Variants in LRRC4C observed in about 807,000 individuals in gnomAD.
LRRC4C encodes the protein leucine-rich repeat-containing protein 4C.
LRRC4C carries 5 observed loss-of-function variants against 33.6 expected under a neutral mutation model. The ratio of observed to expected loss-of-function variants is 0.15; its 90% CI spans 0.08 to 0.31. The LOEUF is 0.31. LRRC4C is among the 10% of genes least tolerant of loss of function. The probability of loss-of-function intolerance (pLI) is 1.00; values close to 1 mark genes in which losing one functional copy is unlikely to be tolerated. For synonymous variants in LRRC4C, 329 were observed against 302.0 expected (o/e 1.09, Z -0.93); for missense variants, 560 against 796.7 (o/e 0.70, Z 3.58).
chr11:40,360,516 T>A (rs1330086061), intron 3 of LRRC4C, among the ~76,000 whole-genome samples: 1 of 152,162 alleles, frequency 6.6e-6, no homozygotes, highest in Non-Finnish European at 1.5e-5. Context: ...AAATGGGGCA[T>A]TGAATAGGGA....
At chr11:40,765,221 G>T (rs1949394296) in intron 2 of LRRC4C, among the ~76,000 whole-genome samples, 1 of 152,134 alleles carries the variant, frequency 6.6e-6, no homozygotes, top group African/African-American at 2.4e-5. Context: ...ATGGGGGGAA[G>T]ATTTCACCAT....
chr11:40,973,910 G>A (rs1044697855), intron 1 of LRRC4C, among the ~76,000 whole-genome samples: 6 of 151,918 alleles, frequency 3.9e-5, no homozygotes, highest in African/African-American at 2.4e-5. Flanking sequence ...GATGAAGTAG[G>A]GATTGTGGAG....
At chr11:41,140,458 C>T (rs563843799) in intron 1 of LRRC4C, among the ~76,000 whole-genome samples, 2 of 126,102 alleles carry the variant, frequency 1.6e-5, no homozygotes, top group Admixed American at 7.6e-5. Flanking sequence ...ATTAAGCAAA[C>T]TTTGGTTAAG....
intron 3 of LRRC4C, among the ~76,000 whole-genome samples, chr11:40,572,033 T>C (rs1430657280): frequency 6.6e-6 from 1 of 152,184 alleles, no homozygotes; most frequent in Non-Finnish European, 1.5e-5. Flanking sequence ...TCCTTCCTTA[T>C]AGTCCACCAC....
At chr11:41,182,059 G>A (rs925627896) in intron 1 of LRRC4C, among the ~76,000 whole-genome samples, 1 of 152,050 alleles carries the variant, frequency 6.6e-6, no homozygotes, top group African/African-American at 2.4e-5. Context: ...TATTTTTGAT[G>A]TATTTGTTGT....
intron 2 of LRRC4C, among the ~76,000 whole-genome samples, chr11:40,810,912 C>A (rs766823798): frequency 6.6e-6 from 1 of 152,116 alleles, no homozygotes; most frequent in East Asian, 1.9e-4. Context: ...CCAATACTAA[C>A]ATTTTCTTGC....
intron 1 of LRRC4C, among the ~76,000 whole-genome samples, chr11:41,308,313 TG>T (rs1489531318): frequency 6.6e-6 from 1 of 152,130 alleles, no homozygotes; most frequent in African/African-American, 2.4e-5. Flanking sequence ...GATTTTTTTT[TG>T]CAACAGCGTG....
chr11:40,604,243 T>C (rs1447541726), intron 3 of LRRC4C, among the ~76,000 whole-genome samples: 1 of 152,154 alleles, frequency 6.6e-6, no homozygotes, highest in African/African-American at 2.4e-5. Flanking sequence ...GTATGATAGC[T>C]TTCAAAATCT....
At chr11:40,999,858 A>G (rs1223101338) in intron 1 of LRRC4C, among the ~76,000 whole-genome samples, 2 of 152,098 alleles carry the variant, frequency 1.3e-5, no homozygotes, top group South Asian at 2.1e-4. Context: ...AAGAGGTAAC[A>G]TTGGACCTGG....
intron 2 of LRRC4C, among the ~76,000 whole-genome samples, chr11:40,666,459 A>G (rs1943817093): frequency 6.6e-6 from 1 of 152,116 alleles, no homozygotes; most frequent in Non-Finnish European, 1.5e-5. Context: ...CTTTCCAGAA[A>G]GGGATATGTT....
At chr11:40,551,550 C>A (rs1393707791) in intron 3 of LRRC4C, among the ~76,000 whole-genome samples, 1 of 152,154 alleles carries the variant, frequency 6.6e-6, no homozygotes, top group Admixed American at 6.5e-5. Flanking sequence ...GGCTAATTCC[C>A]ATTCCACTTT....
intron 3 of LRRC4C, among the ~76,000 whole-genome samples, chr11:40,584,312 C>A (rs1472283977): frequency 1.3e-5 from 2 of 150,498 alleles, no homozygotes; most frequent in African/African-American, 4.9e-5. Flanking sequence ...AACACTCCCC[C>A]TCAGTCATGA....
chr11:40,754,611 C>T (rs936294100), intron 2 of LRRC4C, among the ~76,000 whole-genome samples: 8 of 152,044 alleles, frequency 5.3e-5, no homozygotes, highest in African/African-American at 1.9e-4. Context: ...GAGACCAGGG[C>T]TTATGCACCA....
intron 1 of LRRC4C, among the ~76,000 whole-genome samples, chr11:41,068,368 G>A (rs1251824516): frequency 1.3e-5 from 2 of 151,866 alleles, no homozygotes; most frequent in Non-Finnish European, 2.9e-5. Flanking sequence ...TCTAGCTTGG[G>A]CAACAGAGTG....
chr11:40,668,144 T>C (rs1943914784), intron 2 of LRRC4C, among the ~76,000 whole-genome samples: 1 of 152,348 alleles, frequency 6.6e-6, no homozygotes, highest in South Asian at 2.1e-4. Context: ...CTTCTGATGA[T>C]ACTAATCTGA....
intron 1 of LRRC4C, among the ~76,000 whole-genome samples, chr11:41,340,125 A>G (rs1407472228): frequency 6.6e-6 from 1 of 152,172 alleles, no homozygotes; most frequent in African/African-American, 2.4e-5. Flanking sequence ...CTATGAAGTA[A>G]GTTTCGCTCA....
At chr11:40,711,998 C>T (rs1018215172) in intron 2 of LRRC4C, among the ~76,000 whole-genome samples, 13 of 152,146 alleles carry the variant, frequency 8.5e-5, no homozygotes, top group African/African-American at 3.1e-4. Flanking sequence ...AAAATGCAAA[C>T]TTCCTTGCAG....
chr11:41,250,218 G>A (rs936955326), intron 1 of LRRC4C, among the ~76,000 whole-genome samples: 1 of 152,102 alleles, frequency 6.6e-6, no homozygotes, highest in Non-Finnish European at 1.5e-5. Flanking sequence ...GCACCCAGGA[G>A]CATTTTAATA....
At chr11:41,291,820 A>T (rs1301870828) in intron 1 of LRRC4C, among the ~76,000 whole-genome samples, 3 of 152,156 alleles carry the variant, frequency 2.0e-5, no homozygotes, top group African/African-American at 7.2e-5. Flanking sequence ...GAGAATTATA[A>T]TTTATAATAT....
Sources: gnomAD v4.1 joint callset for allele counts (sites outside exome capture counted in the v4.1 genomes callset) on GRCh38, gnomAD v4.1.1 for gene constraint, MANE v1.5 for transcripts, NCBI Gene and HGNC (gene_info 2026-07-23, HGNC 2026-07-21) for gene names.